The following POTEG variants were observed in gnomAD, a reference collection of about 807,000 sequenced individuals.
POTEG encodes the protein POTE ankyrin domain family member G, also known as ANKRD26-like family C member 2.
A neutral mutation model predicts 49.6 loss-of-function variants in POTEG; 2 were observed. The ratio of observed to expected loss-of-function variants is 0.04; its 90% CI spans 0.02 to 0.13. The LOEUF (loss-of-function observed/expected upper bound fraction) is 0.13, where lower values mean the gene tolerates loss of function less well. POTEG is among the 10% of genes least tolerant of loss of function. POTEG has a pLI of 1.00. For synonymous variants in POTEG, 7 were observed against 186.6 expected, an observed-to-expected ratio of 0.04 and a Z score of 7.84; for missense variants, 26 against 545.2, an observed-to-expected ratio of 0.05 and a Z score of 9.48.
intron 7 of POTEG, among the ~76,000 whole-genome samples, chr14:19,415,359 T>G (rs1308232268): frequency 6.9e-6 from 1 of 144,254 alleles, no homozygotes; most frequent in Admixed American, 6.9e-5. Flanking sequence ...TAATAGGCAG[T>G]TGGGTTGCTT....
chr14:19,432,477 CAT>C (rs1491473973), intron 1 of POTEG, among the ~76,000 whole-genome samples: 3 of 55,486 alleles, frequency 5.4e-5, no homozygotes, highest in Admixed American at 2.2e-4. Flanking sequence ...CATATATATA[CAT>C]GTGTATATAT....
At chr14:19,415,376 C>A (rs1464739654) in intron 7 of POTEG, among the ~76,000 whole-genome samples, 1 of 144,570 alleles carries the variant, frequency 6.9e-6, no homozygotes, top group East Asian at 2.0e-4. Flanking sequence ...GCTTTTTTGA[C>A]CTGGTTCCCT....
At chr14:19,425,217 CCT>C (rs1883905335) in intron 4 of POTEG, among the ~76,000 whole-genome samples, 1 of 53,128 alleles carries the variant, frequency 1.9e-5, no homozygotes, top group Non-Finnish European at 4.2e-5. Flanking sequence ...ATTTTCAACC[CCT>C]ATTTATGGTT....
rs751554025 is a variant in POTEG at position 19,428,708 on chromosome 14, T to G, written c.644A>C (p.Gln215Pro). ...TAACGCACATTCATCTTCCCGGCATTGTACGGCCTGTCAGTATTACACCAT... is the reference window on the plus strand; with the variant it reads ...TAACGCACATTCATCTTCCCGGCATGGTACGGCCTGTCAGTATTACACCAT... Reference protein sequence around the residue: ...KKRTALTKAVQCREDECALML... With the variant: ...KKRTALTKAVPCREDECALML... The change falls in exon 3 of 11, where the codon CAA becomes CCA. Residue 215 changes from glutamine to proline, a missense_variant. Coordinates refer to ENST00000547848, the MANE Select transcript of POTEG (RefSeq NM_001005356.3). 2 of 1,320,086 alleles carry G rather than the reference T, an allele frequency of 1.5e-6. No individual in the cohort carries two copies. Among genetic ancestry groups the G allele is most frequent in the South Asian group, 1.5e-5 (1 of 67,206 alleles). The allele number at this position is 1,320,086 out of a possible 1,614,324, so 81.8% of individuals were successfully genotyped here. A position where few individuals can be genotyped will look rare whatever the true frequency, so the allele number is the denominator to read the frequency against.
chr14:19,414,124 AGCAGAGTGAAACT>A (rs1373072609), intron 8 of POTEG, among the ~76,000 whole-genome samples: 1 of 106,186 alleles, frequency 9.4e-6, no homozygotes, highest in Non-Finnish European at 2.1e-5. Flanking sequence ...CAACATAAGG[AGCAGAGTGAAACT>A]GCAGAGGTAC....
At chr14:19,415,143 T>A (rs1471670531) in intron 7 of POTEG, among the ~76,000 whole-genome samples, 19 of 144,980 alleles carry the variant, frequency 1.3e-4, no homozygotes, top group Non-Finnish European at 2.0e-4. Context: ...ATTCTTAAAT[T>A]TTAATTGAAA....
intron 6 of POTEG, among the ~76,000 whole-genome samples, chr14:19,419,221 A>G (rs1883664866): frequency 7.4e-5 from 2 of 27,130 alleles, no homozygotes; most frequent in Non-Finnish European, 1.1e-4. Context: ...CCAGCAAACT[A>G]TAGGCTACAG....
chr14:19,415,851 T>C, intron 7 of POTEG, among the ~76,000 whole-genome samples: 1 of 141,560 alleles, frequency 7.1e-6, no homozygotes, highest in Non-Finnish European at 1.6e-5. Context: ...TTTTTTTTTT[T>C]TTTTTTTTTT....
At chr14:19,432,352 A>AG (rs1884164551) in intron 1 of POTEG, among the ~76,000 whole-genome samples, 2 of 103,062 alleles carry the variant, frequency 1.9e-5, no homozygotes, top group Admixed American at 1.1e-4. Context: ...CATCAAAAAA[A>AG]AAAAAGAAAT....
At position 19,425,667 on chromosome 14, in the gene POTEG, G is replaced by A; in HGVS notation, c.856C>T (p.Gln286Ter). 2 of 636,974 alleles carry A rather than the reference G, an allele frequency of 3.1e-6. No homozygotes were observed. Among genetic ancestry groups the A allele is most frequent in the Non-Finnish European group, 4.5e-6 (2 of 440,172 alleles). The allele number at this position is 636,974 out of a possible 1,614,324, so 39.5% of individuals were successfully genotyped here. A position where few individuals can be genotyped will look rare whatever the true frequency, so the allele number is the denominator to read the frequency against. ...LLLGVHEQKQ[Q>*]VVKFLIKKKA... is the part of the protein sequence containing the mutation. The stretch of plus-strand genomic sequence containing the variant: ...TTCTTGATTAAGAATTTCACCACTT[G>A]CTGTTTTTGCTCATGTACACCAAGT... The change falls in exon 4 of 11, where the codon CAA becomes TAA. Residue 286 changes from glutamine (Q) to a stop codon, truncating the protein, a stop_gained. Transcript: ENST00000547848. LOFTEE classifies it high-confidence loss of function.
At chr14:19,409,909 TG>T (rs1199644180) in intron 9 of POTEG, among the ~76,000 whole-genome samples, 15 of 117,528 alleles carry the variant, frequency 1.3e-4, no homozygotes, top group African/African-American at 3.9e-4. Context: ...AAGTTCAGTG[TG>T]GCTGAAACAG....
chr14:19,432,447 C>CACACAT (rs1444431660), intron 1 of POTEG, among the ~76,000 whole-genome samples: 252 of 68,200 alleles, frequency 3.7e-3, no homozygotes, highest in Middle Eastern at 0.015. Flanking sequence ...TATATATATA[C>CACACAT]ATATATATAT....
At chr14:19,405,720 T>A (rs1397381292) in intron 9 of POTEG, among the ~76,000 whole-genome samples, 1 of 128,008 alleles carries the variant, frequency 7.8e-6, no homozygotes, top group African/African-American at 2.9e-5. Context: ...GATATTACCT[T>A]ATACCTAGAA....
intron 1 of POTEG, among the ~76,000 whole-genome samples, chr14:19,432,404 A>ATATATACACG (rs1884183754): frequency 3.6e-5 from 1 of 28,122 alleles, no homozygotes; most frequent in Non-Finnish European, 1.0e-4. Context: ...ATATATATAT[A>ATATATACACG]CACACACATG....
chr14:19,434,336 T>A lies in POTEG; in HGVS notation c.-47A>T, dbSNP rs1360047712. The A allele has an allele frequency of 6.2e-7, 1 of 1,607,230 alleles. No individual in the cohort carries two copies. Among genetic ancestry groups the A allele is most frequent in the African/African-American group, 1.3e-5 (1 of 74,682 alleles). ...GGCCGGTAGTAGCCAGCAGATCGCG[T>A]CTACCAACCAGTTTCACCAACTAGC... On this transcript the variant is annotated 5_prime_UTR_variant, in exon 1 of 11. Transcript: ENST00000547848.
chr14:19,416,869 CA>C (rs1883593876), intron 6 of POTEG, among the ~76,000 whole-genome samples: 1 of 97,264 alleles, frequency 1.0e-5, no homozygotes, highest in Non-Finnish European at 2.1e-5. Flanking sequence ...GTGGTGCGAT[CA>C]GCTCACTGCA....
intron 8 of POTEG, among the ~76,000 whole-genome samples, 181 bp downstream of exon 8, chr14:19,414,381 T>C (rs1883464220): frequency 6.8e-6 from 1 of 146,522 alleles, no homozygotes; most frequent in African/African-American, 2.5e-5. Context: ...AAAGAATATC[T>C]CTAGGGTTTG....
chr14:19,432,463 T>C (rs1422608810), intron 1 of POTEG, among the ~76,000 whole-genome samples: 1 of 122,012 alleles, frequency 8.2e-6, no homozygotes, highest in African/African-American at 3.3e-5. Context: ...TATATACATA[T>C]ATACATATAT....
At position 19,413,342 on chromosome 14, in the gene POTEG, CCA is replaced by C; in HGVS notation, c.1409+10_1409+11del. 1 of 1,080,844 alleles carries C rather than the reference CCA, an allele frequency of 9.3e-7. No individual in the cohort carries two copies. Among genetic ancestry groups the C allele is most frequent in the Admixed American group, 2.9e-5 (1 of 34,432 alleles). 67.0% of individuals were successfully genotyped at this position (1,080,844 alleles called of 1,614,324 possible). A position where few individuals can be genotyped will look rare whatever the true frequency, so the allele number is the denominator to read the frequency against. On this transcript the variant is annotated intron_variant, in intron 9 of 10. Coordinates refer to ENST00000547848, the MANE Select transcript of POTEG (RefSeq NM_001005356.3). ...TAGAGTTATCTCCTGTTCAATGTTGCCACAGACTTACCTGTGATACTGTTCAT... is the reference window on the plus strand; with the variant it reads ...TAGAGTTATCTCCTGTTCAATGTTGCCAGACTTACCTGTGATACTGTTCAT...
Sources: allele counts gnomAD v4.1 joint callset (sites outside exome capture counted in the v4.1 genomes callset), GRCh38; gene constraint gnomAD v4.1.1; transcripts MANE v1.5; gene names NCBI Gene and HGNC (gene_info 2026-07-23, HGNC 2026-07-21).